EPS15L1: variants seen among roughly 807,000 people sequenced by gnomAD.
EPS15L1 encodes epidermal growth factor receptor pathway substrate 15 like 1.
In EPS15L1, 43 loss-of-function variants were observed where a neutral mutation model predicts 117.1. The ratio of observed to expected loss-of-function variants is 0.37; its 90% CI spans 0.29 to 0.47. The LOEUF is 0.47. Ranked by LOEUF, EPS15L1 falls within the 20% of genes least tolerant of loss-of-function variation. The pLI is 0.99. For missense variants in EPS15L1, 981 were observed against 1,164.0 expected (o/e 0.84, Z 2.29); for synonymous variants, 459 against 470.5 (o/e 0.98, Z 0.32).
At chr19:16,462,432 G>A (rs1161315643) in intron 1 of EPS15L1, among the ~76,000 whole-genome samples, 1 of 152,144 alleles carries the variant, frequency 6.6e-6, no homozygotes, top group Non-Finnish European at 1.5e-5. Context: ...GGGCCAAGGT[G>A]GGTGGATCAC....
intron 19 of EPS15L1, among the ~76,000 whole-genome samples, chr19:16,389,439 G>T (rs542425003): frequency 6.6e-6 from 1 of 152,126 alleles, no homozygotes; most frequent in African/African-American, 2.4e-5. Flanking sequence ...GGGCAACAGA[G>T]TGAGACTCTG....
chr19:16,428,117 C>T (rs2092890583), intron 8 of EPS15L1, among the ~76,000 whole-genome samples: 1 of 150,924 alleles, frequency 6.6e-6, no homozygotes, highest in Non-Finnish European at 1.5e-5. Context: ...AAGAGAACTG[C>T]TTGAACCTGG....
chr19:16,404,488 T>G lies in EPS15L1; in HGVS notation c.1428+100A>C. ...GAGGAACTCTATTGACCCAGTAGGATGTCTAAGTGTTGTGTTCCCAGGTAA... is the reference window on the plus strand; with the variant it reads ...GAGGAACTCTATTGACCCAGTAGGAGGTCTAAGTGTTGTGTTCCCAGGTAA... On this transcript the variant is annotated intron_variant, in intron 14 of 23. Transcript: ENST00000455140. This position sits in a 1 kb window ranked among gnomAD's most constrained non-coding sequence, Gnocchi z 4.2. 3.8e-6 allele frequency: 5 copies of G among 1,315,006 alleles called. No homozygotes were observed. Among genetic ancestry groups the G allele is most frequent in the Non-Finnish European group, 5.3e-6 (5 of 941,048 alleles). The allele number at this position is 1,315,006 out of a possible 1,614,324, so 81.5% of individuals were successfully genotyped here. A position where few individuals can be genotyped will look rare whatever the true frequency, so the allele number is the denominator to read the frequency against.
intron 21 of EPS15L1, among the ~76,000 whole-genome samples, chr19:16,378,046 T>C (rs1355980707): frequency 6.6e-6 from 1 of 152,010 alleles, no homozygotes; most frequent in Non-Finnish European, 1.5e-5. Flanking sequence ...GGTGGGCAGA[T>C]GGATGGAATG....
At chr19:16,385,345 T>G (rs1040263856) in intron 20 of EPS15L1, 134 bp from the exon 21 acceptor site, 10 of 737,040 alleles carry the variant, frequency 1.4e-5, no homozygotes, top group Non-Finnish European at 1.9e-5. Context: ...GACACGTGTG[T>G]CTGCATGAAG....
At position 16,437,864 on chromosome 19, in the gene EPS15L1, C is replaced by G; in HGVS notation, c.215G>C (p.Gly72Ala). The change falls in exon 5 of 24, where the codon GGT becomes GCT. Residue 72 changes from glycine (G) to alanine (A), a missense_variant and splice_region_variant. Gly to Ala is a moderately conservative substitution (Grantham distance 60). Coordinates refer to ENST00000455140, the MANE Select transcript of EPS15L1 (RefSeq NM_001258374.3). ...CACCAGTCTCAGTGCAACATAGAAA[C>G]CCTGCAAGTCCAAAGAAAGGGAAGG... ...PEGKGFLDKQGFYVALRLVAC... is the reference protein window; with the variant it reads ...PEGKGFLDKQAFYVALRLVAC... 1.2e-6 allele frequency: 2 copies of G among 1,613,064 alleles called. No homozygotes were observed. The highest frequency in any genetic ancestry group is 1.7e-6 in the Non-Finnish European group (2 of 1,179,118).
At chr19:16,393,647 T>C (rs1305610202) in intron 18 of EPS15L1, among the ~76,000 whole-genome samples, 14 of 130,772 alleles carry the variant, frequency 1.1e-4, no homozygotes, top group Non-Finnish European at 1.3e-4. Flanking sequence ...AGACTCCGTC[T>C]CAAAAAAAAA....
At chr19:16,374,842 C>T (rs889159420) in intron 22 of EPS15L1, among the ~76,000 whole-genome samples, 1 of 152,164 alleles carries the variant, frequency 6.6e-6, no homozygotes, top group Non-Finnish European at 1.5e-5. Flanking sequence ...TGTGCATGCC[C>T]GGGTGTGTAT....
chr19:16,402,227 A>C, intron 16 of EPS15L1, 94 bp downstream of exon 16: 1 of 1,484,840 alleles, frequency 6.7e-7, no homozygotes, highest in Non-Finnish European at 9.0e-7. Context: ...GCTGGAACCA[A>C]CGTTGGCCAT....
chr19:16,363,110 T>A (rs2092082171), intron 22 of EPS15L1, among the ~76,000 whole-genome samples: 1 of 152,092 alleles, frequency 6.6e-6, no homozygotes, highest in Non-Finnish European at 1.5e-5. Flanking sequence ...AGGTCCCACC[T>A]GACGGGCCTT....
At chr19:16,458,851 C>T (rs919237975) in intron 1 of EPS15L1, among the ~76,000 whole-genome samples, 5 of 152,236 alleles carry the variant, frequency 3.3e-5, no homozygotes, top group Middle Eastern at 3.2e-3. Context: ...CTTGTCTTGG[C>T]ACAAGATGCA....
chr19:16,414,014 T>C (rs2092732973), intron 12 of EPS15L1, among the ~76,000 whole-genome samples, 169 bp from the exon 13 acceptor site: 1 of 152,182 alleles, frequency 6.6e-6, no homozygotes, highest in African/African-American at 2.4e-5. Flanking sequence ...CCGTCAACTG[T>C]AGGTAGGACC....
intron 23 of EPS15L1, chr19:16,361,449 G>T: frequency 2.3e-6 from 1 of 441,386 alleles, no homozygotes; most frequent in Non-Finnish European, 3.1e-6. Flanking sequence ...TGACATCTTG[G>T]CTTCCAAAAA....
At chr19:16,427,893 C>CAAAA (rs1378022806) in intron 8 of EPS15L1, among the ~76,000 whole-genome samples, 2 of 139,746 alleles carry the variant, frequency 1.4e-5, no homozygotes, top group South Asian at 2.3e-4. Flanking sequence ...GACTCCGTGT[C>CAAAA]AAAAAAAAAG....
chr19:16,436,656 T>G (rs2092981430), intron 6 of EPS15L1: 1 of 362,570 alleles, frequency 2.8e-6, no homozygotes, highest in East Asian at 4.4e-5. Context: ...AGATTTAAAC[T>G]GCAGCCCTTT....
At chr19:16,359,313 C>G (rs2092021810) in intron 23 of EPS15L1, among the ~76,000 whole-genome samples, 1 of 152,196 alleles carries the variant, frequency 6.6e-6, no homozygotes, top group Non-Finnish European at 1.5e-5. Flanking sequence ...TAGTCAAGAT[C>G]CAGTGAACCC....
intron 15 of EPS15L1, 133 bp downstream of exon 15, chr19:16,403,600 G>A: frequency 3.5e-6 from 3 of 859,884 alleles, no homozygotes; most frequent in Admixed American, 2.2e-5. Flanking sequence ...CTCCAGGCCA[G>A]CACCACAGCC....
chr19:16,468,474 T>C (rs1599703662), intron 1 of EPS15L1, among the ~76,000 whole-genome samples: 1 of 151,806 alleles, frequency 6.6e-6, no homozygotes, highest in African/African-American at 2.4e-5. Flanking sequence ...GCCTCCCAAG[T>C]TGCTGGGATT....
intron 18 of EPS15L1, among the ~76,000 whole-genome samples, chr19:16,393,082 TAATAATAATAATA>T (rs2092496135): frequency 1.1e-3 from 3 of 2,752 alleles, no homozygotes; most frequent in Non-Finnish European, 5.3e-3. Context: ...CTGGATATAA[TAATAATAATAATA>T]ATAATAATAA....
Sources: allele counts gnomAD v4.1 joint callset (sites outside exome capture counted in the v4.1 genomes callset), GRCh38; gene constraint gnomAD v4.1.1; non-coding constraint Gnocchi (gnomAD v3.1); transcripts MANE v1.5; gene names NCBI Gene and HGNC (gene_info 2026-07-23, HGNC 2026-07-21).